The following HSF2 variants were observed in gnomAD, a reference collection of about 807,000 sequenced individuals.
HSF2 encodes heat shock transcription factor 2, also known as heat shock factor protein 2.
Under a neutral mutation model 65.0 loss-of-function variants are expected in HSF2, and 21 were observed. The observed-to-expected ratio is 0.32, with a 90% confidence interval of 0.23 to 0.47. The LOEUF is 0.47. Ranked by LOEUF, HSF2 falls within the 20% of genes least tolerant of loss-of-function variation. The pLI is 1.00. For synonymous variants in HSF2, 225 were observed against 219.1 expected, an observed-to-expected ratio of 1.03 and a Z score of -0.24; for missense variants, 499 against 628.1, an observed-to-expected ratio of 0.79 and a Z score of 2.20.
chr6:122,401,523 C>A (rs1192422780), intron 1 of HSF2, among the ~76,000 whole-genome samples: 1 of 152,160 alleles, frequency 6.6e-6, no homozygotes, highest in East Asian at 1.9e-4. Flanking sequence ...TAATAACATT[C>A]TTATTTTCTG....
chr6:122,399,889 TC>T, intron 1 of HSF2, 59 bp downstream of exon 1: 4 of 1,284,102 alleles, frequency 3.1e-6, no homozygotes, highest in Non-Finnish European at 4.5e-6. Flanking sequence ...TCACTCGCTC[TC>T]CTGCGGGGTG....
intron 12 of HSF2, among the ~76,000 whole-genome samples, 170 bp downstream of exon 12, chr6:122,431,684 G>T (rs201729189): frequency 2.0e-5 from 3 of 149,074 alleles, no homozygotes; most frequent in Non-Finnish European, 4.5e-5. Context: ...AATTCTTTAA[G>T]TTTTTTTTTT....
intron 7 of HSF2, among the ~76,000 whole-genome samples, chr6:122,421,093 T>G (rs1774225497): frequency 6.6e-6 from 1 of 152,076 alleles, no homozygotes; most frequent in South Asian, 2.1e-4. Flanking sequence ...ATTCTTACAT[T>G]GGTTATTCTA....
rs900031012 is a variant in HSF2, at chr6:122,425,742, A to G, written c.1176+2056A>G. Among the ~76,000 whole-genome samples, 4 of 151,782 alleles carry G rather than the reference A, an allele frequency of 2.6e-5. No individual in the cohort carries two copies. In the East Asian group the frequency reaches 5.8e-4, roughly 22 times the overall value. On this transcript the variant is annotated intron_variant, in intron 10 of 12. Coordinates refer to ENST00000368455, the MANE Select transcript of HSF2 (RefSeq NM_004506.4). ...TGCACCCAATCTTTCAGCCTCTTTT[A>G]CTTTTTCTGTCTCTCTTCTTTTTCC...
rs137990534 is a variant in HSF2 at position 122,406,976 on chromosome 6, T to C, written c.94-5397T>C. Among the ~76,000 whole-genome samples the C allele has an allele frequency of 1.2e-4, 18 of 152,272 alleles. No homozygotes were observed. The South Asian group carries it at 3.1e-3, about 26-fold the overall frequency. ...GAATAGGTGGTTGAGTATAAGACTT[T>C]GGCATTCAGGGTGGAGTTTAGACCT... On this transcript the variant is annotated intron_variant, in intron 1 of 12. Transcript: ENST00000368455.
intron 5 of HSF2, among the ~76,000 whole-genome samples, chr6:122,417,178 A>C (rs1305722829): frequency 6.6e-6 from 1 of 151,606 alleles, no homozygotes; most frequent in Non-Finnish European, 1.5e-5. Context: ...TGTGCAAGTG[A>C]AGGTTGAATG....
intron 4 of HSF2, among the ~76,000 whole-genome samples, chr6:122,414,557 AGC>A (rs1010574223): frequency 1.7e-4 from 26 of 152,224 alleles, no homozygotes; most frequent in African/African-American, 6.3e-4. Flanking sequence ...CCACAGTTTC[AGC>A]CTTTAAAGAA....
intron 1 of HSF2, among the ~76,000 whole-genome samples, chr6:122,405,273 A>T (rs1277383250): frequency 6.6e-6 from 1 of 151,706 alleles, no homozygotes; most frequent in Non-Finnish European, 1.5e-5. Flanking sequence ...AAAAAAAAAA[A>T]AAGTAAAAGC....
At chr6:122,415,057 A>G (rs1385026431) in intron 4 of HSF2, among the ~76,000 whole-genome samples, 1 of 152,172 alleles carries the variant, frequency 6.6e-6, no homozygotes, top group Non-Finnish European at 1.5e-5. Flanking sequence ...ATTAGTTTGG[A>G]TTAAAGAAGA....
intron 1 of HSF2, among the ~76,000 whole-genome samples, chr6:122,408,601 G>A (rs1328420847): frequency 6.6e-6 from 1 of 151,984 alleles, no homozygotes; most frequent in African/African-American, 2.4e-5. Flanking sequence ...AGTAATTTTT[G>A]TATATTGATA....
At chr6:122,406,538 T>C (rs1204388116) in intron 1 of HSF2, among the ~76,000 whole-genome samples, 1 of 152,194 alleles carries the variant, frequency 6.6e-6, no homozygotes, top group African/African-American at 2.4e-5. Context: ...ATTGAAAATA[T>C]TGATGGCTGA....
intron 1 of HSF2, among the ~76,000 whole-genome samples, chr6:122,411,667 C>T (rs967918012): frequency 6.6e-6 from 1 of 151,832 alleles, no homozygotes. Flanking sequence ...TTTCCCAGCA[C>T]CATTTGTTGA....
chr6:122,407,621 T>C lies in HSF2; in HGVS notation c.94-4752T>C, dbSNP rs547080252. ...TTTTTTTATTATTTGTGAGAATTCC[T>C]ATATATTCTACATATTCGAGTTTAT... is the stretch of plus-strand genomic sequence containing the variant. On this transcript the variant is annotated intron_variant, in intron 1 of 12. Coordinates refer to ENST00000368455, the MANE Select transcript of HSF2 (RefSeq NM_004506.4). Among the ~76,000 whole-genome samples the C allele has an allele frequency of 1.8e-4, 28 of 152,210 alleles. 1 individual carries two copies. In the South Asian group the frequency reaches 4.8e-3, roughly 26 times the overall value.
At chr6:122,414,944 A>G (rs1264488782) in intron 4 of HSF2, among the ~76,000 whole-genome samples, 1 of 152,174 alleles carries the variant, frequency 6.6e-6, no homozygotes, top group Non-Finnish European at 1.5e-5. Flanking sequence ...GTAAGCAGAT[A>G]ACAACATTTT....
intron 9 of HSF2, 115 bp from the exon 10 acceptor site, chr6:122,423,466 G>A (rs1203739045): frequency 3.9e-6 from 2 of 510,588 alleles, no homozygotes; most frequent in Admixed American, 3.4e-5. Context: ...ATTAAGAACC[G>A]GTAAGGATGC....
intron 7 of HSF2, 45 bp from the exon 8 acceptor site, chr6:122,422,105 C>G (rs375694592): frequency 5.9e-6 from 8 of 1,351,208 alleles, no homozygotes; most frequent in Admixed American, 2.1e-5. Context: ...GTTTGGTAGT[C>G]AATGATTTTG....
At chr6:122,414,707 A>G (rs896168914) in intron 4 of HSF2, among the ~76,000 whole-genome samples, 1 of 152,038 alleles carries the variant, frequency 6.6e-6, no homozygotes, top group African/African-American at 2.4e-5. Context: ...CCTCACTGCA[A>G]TCTCCGCCTG....
chr6:122,429,127 T>C (rs2114456152), intron 11 of HSF2, among the ~76,000 whole-genome samples: 1 of 152,156 alleles, frequency 6.6e-6, no homozygotes, highest in African/African-American at 2.4e-5. Flanking sequence ...GGACCATAAG[T>C]TTACCTGGAT....
intron 6 of HSF2, 131 bp downstream of exon 6, chr6:122,419,360 T>C (rs1774185976): frequency 1.9e-6 from 1 of 518,874 alleles, no homozygotes; most frequent in South Asian, 2.9e-5. Context: ...TTTGTTAAAT[T>C]ATACTCTTAA....
Sources: gnomAD v4.1 joint callset for allele counts (sites outside exome capture counted in the v4.1 genomes callset) on GRCh38, gnomAD v4.1.1 for gene constraint, MANE v1.5 for transcripts, NCBI Gene and HGNC (gene_info 2026-07-23, HGNC 2026-07-21) for gene names.